Variants in KSR2 observed in about 807,000 individuals in gnomAD.
KSR2 encodes the protein kinase suppressor of ras 2.
In KSR2, 25 loss-of-function variants were observed where a neutral mutation model predicts 107.8. The ratio of observed to expected loss-of-function variants is 0.23; its 90% CI spans 0.17 to 0.32. The LOEUF is 0.32. Among genes scored for constraint, KSR2 ranks in the 10% least tolerant of loss-of-function variants. The probability of loss-of-function intolerance (pLI) is 1.00; values close to 1 mark genes in which losing one functional copy is unlikely to be tolerated. For synonymous variants in KSR2, 480 were observed against 507.0 expected (o/e 0.95, Z 0.71); for missense variants, 887 against 1,268.9 (o/e 0.70, Z 4.57).
intron 3 of KSR2, among the ~76,000 whole-genome samples, chr12:117,763,645 A>G (rs1332065017): frequency 1.3e-5 from 2 of 152,214 alleles, no homozygotes; most frequent in African/African-American, 4.8e-5. Context: ...AGGTGAAAAC[A>G]GACTGCCAGG....
At chr12:117,942,778 G>A (rs1896050516) in intron 1 of KSR2, among the ~76,000 whole-genome samples, 1 of 151,844 alleles carries the variant, frequency 6.6e-6, no homozygotes, top group African/African-American at 2.4e-5. Context: ...GGGATTACAG[G>A]CATGAACTAC....
intron 1 of KSR2, among the ~76,000 whole-genome samples, chr12:117,958,501 G>A (rs1467914886): frequency 2.6e-5 from 4 of 152,180 alleles, no homozygotes; most frequent in African/African-American, 9.7e-5. Flanking sequence ...ATGAACATAA[G>A]CACCTGACAA....
chr12:117,570,091 C>T (rs1878780716), intron 7 of KSR2, among the ~76,000 whole-genome samples: 2 of 151,992 alleles, frequency 1.3e-5, no homozygotes, highest in Admixed American at 1.3e-4. Context: ...CAAGCTCCGC[C>T]TCCCAGGTTC....
Position 117,555,200 on chromosome 12 carries a change from T to C in KSR2, c.1487A>G (p.Gln496Arg). 3 of 1,613,972 alleles carry C rather than the reference T, an allele frequency of 1.9e-6. No homozygotes were observed. The highest frequency in any genetic ancestry group is 2.5e-6 in the Non-Finnish European group (3 of 1,179,882). Residue 496 changes from glutamine (Q) to arginine (R), a missense_variant, in exon 9 of 20, where the codon CAG becomes CGG. This residue lies in a region of KSR2 where 60 missense variants were observed against 77.5 expected (regional missense o/e 0.77). Coordinates refer to ENST00000339824, the MANE Select transcript of KSR2 (RefSeq NM_173598.6). ...PPRYSDLHIS[Q>R]TLPKTNKINK... ...GATTTTGTTGGTTTTGGGGAGCGTC[T>C]GACTGATGTGCAGGTCTGAATAGCG...
At chr12:117,729,382 A>C (rs1887570260) in intron 4 of KSR2, among the ~76,000 whole-genome samples, 2 of 152,150 alleles carry the variant, frequency 1.3e-5, no homozygotes, top group Admixed American at 6.5e-5. Flanking sequence ...GGGTATTAGT[A>C]ATGTTCAGAG....
At chr12:117,921,633 T>G (rs2137461899) in intron 1 of KSR2, among the ~76,000 whole-genome samples, 1 of 152,278 alleles carries the variant, frequency 6.6e-6, no homozygotes, top group East Asian at 1.9e-4. Context: ...AATGTCAGCT[T>G]CCTGATTTAT....
chr12:117,592,849 C>T (rs753379238), intron 5 of KSR2, among the ~76,000 whole-genome samples: 1 of 151,138 alleles, frequency 6.6e-6, no homozygotes, highest in South Asian at 2.1e-4. Flanking sequence ...GGTGGCCAAT[C>T]GGGGGGTGGG....
At chr12:117,503,154 G>A (rs1028862450) in intron 14 of KSR2, among the ~76,000 whole-genome samples, 1 of 152,164 alleles carries the variant, frequency 6.6e-6, no homozygotes, top group African/African-American at 2.4e-5. Flanking sequence ...CTTGGAATTT[G>A]AAGTCAAAGC....
intron 5 of KSR2, among the ~76,000 whole-genome samples, chr12:117,655,334 T>G (rs1884100298): frequency 6.6e-6 from 1 of 152,186 alleles, no homozygotes; most frequent in Non-Finnish European, 1.5e-5. Flanking sequence ...AATTCACTGG[T>G]CTTACCATGT....
chr12:117,543,928 T>G (rs1326848792), intron 9 of KSR2, among the ~76,000 whole-genome samples: 1 of 152,238 alleles, frequency 6.6e-6, no homozygotes, highest in African/African-American at 2.4e-5. Context: ...TCTCTGCCTC[T>G]GTTGTCACAT....
At chr12:117,743,826 G>T (rs1565992013) in intron 4 of KSR2, among the ~76,000 whole-genome samples, 1 of 152,170 alleles carries the variant, frequency 6.6e-6, no homozygotes, top group Non-Finnish European at 1.5e-5. Flanking sequence ...CTTAAACAAT[G>T]CAAGGTGAAG....
chr12:117,609,317 A>G (rs1232592847), intron 5 of KSR2, among the ~76,000 whole-genome samples: 1 of 152,238 alleles, frequency 6.6e-6, no homozygotes, highest in African/African-American at 2.4e-5. Context: ...ATCCGTGTAC[A>G]GTGCCTGGCC....
chr12:117,501,716 C>T (rs185737653), intron 14 of KSR2, among the ~76,000 whole-genome samples: 1 of 152,192 alleles, frequency 6.6e-6, no homozygotes, highest in Non-Finnish European at 1.5e-5. Context: ...AATAAGGGAG[C>T]TTATCTGCAA....
chr12:117,540,531 A>G (rs534959412), intron 9 of KSR2, among the ~76,000 whole-genome samples: 2 of 152,342 alleles, frequency 1.3e-5, no homozygotes, highest in East Asian at 1.9e-4. Context: ...TGCAGACATA[A>G]TTTAAGGTAA....
chr12:117,788,391 A>G (rs1890147816), intron 3 of KSR2, among the ~76,000 whole-genome samples: 1 of 152,220 alleles, frequency 6.6e-6, no homozygotes, highest in South Asian at 2.1e-4. Flanking sequence ...TCCTGAAAGG[A>G]AATCTGAAAA....
intron 4 of KSR2, among the ~76,000 whole-genome samples, chr12:117,720,540 T>A (rs542580052): frequency 1.3e-5 from 2 of 152,230 alleles, no homozygotes; most frequent in African/African-American, 2.4e-5. Context: ...AGCATCCTGA[T>A]TGGCATCCCT....
rs1471258684 is a variant in KSR2, at chr12:117,897,446, G to A, written c.181-37015C>T. On this transcript the variant is annotated intron_variant, in intron 1 of 19. Coordinates refer to ENST00000339824, the MANE Select transcript of KSR2 (RefSeq NM_173598.6). This position sits in a 1 kb window ranked among gnomAD's most constrained non-coding sequence, Gnocchi z 4.5. ...ATCAGTAGGCATGAAAGGTTGACTA[G>A]GAAACCACATCAGCTTTGCAGCATC... Among the ~76,000 whole-genome samples the A allele has an allele frequency of 6.6e-6, 1 of 152,156 alleles. No individual in the cohort carries two copies. Among genetic ancestry groups the A allele is most frequent in the Non-Finnish European group, 1.5e-5 (1 of 68,038 alleles).
At chr12:117,529,224 T>G (rs1875436402) in intron 12 of KSR2, among the ~76,000 whole-genome samples, 1 of 152,116 alleles carries the variant, frequency 6.6e-6, no homozygotes, top group Non-Finnish European at 1.5e-5. Context: ...TGACATCACT[T>G]TTTTCTTCTT....
chr12:117,770,924 C>A (rs147863818), intron 3 of KSR2, among the ~76,000 whole-genome samples: 5,051 of 146,612 alleles, frequency 0.034, 123 homozygotes, highest in Middle Eastern at 0.062. Flanking sequence ...TTGCAGTGGG[C>A]CAAGATCGCA....
Sources: allele counts gnomAD v4.1 joint callset (sites outside exome capture counted in the v4.1 genomes callset), GRCh38; gene constraint gnomAD v4.1.1; regional missense constraint gnomAD v4.1.1; non-coding constraint Gnocchi (gnomAD v3.1); transcripts MANE v1.5; gene names NCBI Gene and HGNC (gene_info 2026-07-23, HGNC 2026-07-21).